The following PTPRN2 variants were observed in gnomAD, a reference collection of about 807,000 sequenced individuals.
The protein encoded by PTPRN2 is protein tyrosine phosphatase receptor type N2, also known as receptor-type tyrosine-protein phosphatase N2.
A neutral mutation model predicts 118.8 loss-of-function variants in PTPRN2; 74 were observed. That is an observed-to-expected ratio of 0.62 (90% CI 0.52 to 0.76). PTPRN2 has a LOEUF of 0.76. Ranked by LOEUF, PTPRN2 falls within the 30% of genes least tolerant of loss-of-function variation. PTPRN2 has a pLI of 0.00. For synonymous variants in PTPRN2, 641 were observed against 608.0 expected (o/e 1.05, Z -0.80); for missense variants, 1,481 against 1,394.4 (o/e 1.06, Z -0.99).
rs547421861 is a variant in PTPRN2 at position 158,187,048 on chromosome 7, C to T, written c.549+5279G>A. ...TGAGTTCAAGGACTGTGAACTGGTGCTACCACAGTCAATAAAACAGGAAGC... is the reference window on the plus strand; with the variant it reads ...TGAGTTCAAGGACTGTGAACTGGTGTTACCACAGTCAATAAAACAGGAAGC... On this transcript the variant is annotated intron_variant, in intron 5 of 22. Coordinates refer to ENST00000389418, the MANE Select transcript of PTPRN2 (RefSeq NM_002847.5). 2.0e-5 allele frequency among the ~76,000 whole-genome samples: 3 copies of T among 152,302 alleles called. No individual in the cohort carries two copies. In the South Asian group the frequency reaches 6.2e-4, roughly 32 times the overall value.
intron 3 of PTPRN2, among the ~76,000 whole-genome samples, chr7:158,265,961 A>AG (rs1797842306): frequency 6.6e-6 from 1 of 152,188 alleles, no homozygotes; most frequent in Non-Finnish European, 1.5e-5. Context: ...ACAGAGGCGC[A>AG]GGGCTCCTTC....
At chr7:158,028,204 G>C (rs990740597) in intron 11 of PTPRN2, 2 of 152,218 alleles carry the variant, frequency 1.3e-5, no homozygotes, top group Non-Finnish European at 2.9e-5. Flanking sequence ...CATTTTCATG[G>C]CTGAAAACCC....
At chr7:158,135,217 TTA>T in intron 8 of PTPRN2, among the ~76,000 whole-genome samples, 1 of 152,334 alleles carries the variant, frequency 6.6e-6, no homozygotes, top group East Asian at 1.9e-4. Flanking sequence ...AAACACACTT[TTA>T]AGAAAATTAA....
chr7:158,268,338 G>C (rs1252616667), intron 3 of PTPRN2, among the ~76,000 whole-genome samples: 1 of 149,798 alleles, frequency 6.7e-6, no homozygotes, highest in Non-Finnish European at 1.5e-5. Context: ...ACACAGGGCG[G>C]GTGTGAAATA....
chr7:158,206,905 CCACT>C (rs1174938968), intron 3 of PTPRN2, among the ~76,000 whole-genome samples: 1 of 148,088 alleles, frequency 6.8e-6, no homozygotes, highest in Non-Finnish European at 1.5e-5. Flanking sequence ...TGTGCTGCAC[CCACT>C]AACTCGTCAT....
chr7:157,625,164 C>A (rs1010442181), intron 14 of PTPRN2, among the ~76,000 whole-genome samples: 3 of 152,196 alleles, frequency 2.0e-5, no homozygotes, highest in African/African-American at 7.2e-5. Flanking sequence ...CTATAGAAAA[C>A]AGTGTGGAGA....
At chr7:158,193,709 G>A (rs1359916191) in intron 4 of PTPRN2, among the ~76,000 whole-genome samples, 1 of 152,096 alleles carries the variant, frequency 6.6e-6, no homozygotes, top group Non-Finnish European at 1.5e-5. Flanking sequence ...GCTGGTCTCT[G>A]CACCCAGGAC....
chr7:158,441,996 T>C (rs1032353013), intron 2 of PTPRN2, among the ~76,000 whole-genome samples: 12 of 150,666 alleles, frequency 8.0e-5, no homozygotes, highest in African/African-American at 2.9e-4. Flanking sequence ...GTGATAGTGA[T>C]GGTCATGGCA....
intron 6 of PTPRN2, among the ~76,000 whole-genome samples, chr7:158,146,740 G>C (rs1352955212): frequency 6.7e-6 from 1 of 149,940 alleles, no homozygotes; most frequent in African/African-American, 2.5e-5. Flanking sequence ...AAAAAAGAAA[G>C]AAAAAAGAAA....
At chr7:157,552,045 C>T (rs529578535) in intron 21 of PTPRN2, among the ~76,000 whole-genome samples, 2 of 151,164 alleles carry the variant, frequency 1.3e-5, no homozygotes, top group East Asian at 4.0e-4. Context: ...GCACACACCC[C>T]ATGACCACCA....
Position 157,974,460 on chromosome 7 carries a change from C to G in PTPRN2, c.1724-75723G>C, listed in dbSNP as rs993953979. Among the ~76,000 whole-genome samples the G allele has an allele frequency of 3.9e-5, 6 of 152,206 alleles. No homozygotes were observed. The highest frequency in any genetic ancestry group is 1.4e-4 in the African/African-American group (6 of 41,450). ...AGTTAGTGGGTCCACTTCGAGAAGACAGAGACAGAGTGAAGCCTCAAGAAC... is the reference window on the plus strand; with the variant it reads ...AGTTAGTGGGTCCACTTCGAGAAGAGAGAGACAGAGTGAAGCCTCAAGAAC... On this transcript the variant is annotated intron_variant, in intron 11 of 22. Coordinates refer to ENST00000389418, the MANE Select transcript of PTPRN2 (RefSeq NM_002847.5). This position sits in a 1 kb window ranked among gnomAD's most constrained non-coding sequence, Gnocchi z 4.0.
At chr7:157,754,964 A>G (rs1801693384) in intron 12 of PTPRN2, among the ~76,000 whole-genome samples, 1 of 152,248 alleles carries the variant, frequency 6.6e-6, no homozygotes, top group Non-Finnish European at 1.5e-5. Context: ...GGATCACTGA[A>G]GCCTCACCTT....
chr7:158,212,578 C>T (rs568876057), intron 3 of PTPRN2, among the ~76,000 whole-genome samples: 3 of 152,136 alleles, frequency 2.0e-5, no homozygotes, highest in African/African-American at 7.2e-5. Context: ...GGCTAGACAG[C>T]AAGGAGCCTT....
At chr7:157,814,886 G>A (rs1158537765) in intron 12 of PTPRN2, among the ~76,000 whole-genome samples, 3 of 152,186 alleles carry the variant, frequency 2.0e-5, no homozygotes, top group Non-Finnish European at 4.4e-5. Context: ...GCACAGAAGC[G>A]CACGAGTCCC....
chr7:157,910,573 G>C (rs895635678), intron 11 of PTPRN2, among the ~76,000 whole-genome samples: 1 of 152,258 alleles, frequency 6.6e-6, no homozygotes, highest in Non-Finnish European at 1.5e-5. Context: ...CACGTACACC[G>C]TTCTGCACAG....
chr7:158,240,376 T>A (rs774340367), intron 3 of PTPRN2, among the ~76,000 whole-genome samples: 1 of 152,210 alleles, frequency 6.6e-6, no homozygotes, highest in Admixed American at 6.5e-5. Context: ...AGACCTCGAA[T>A]ACGACCAGGA....
chr7:157,769,365 T>G (rs1802667977), intron 12 of PTPRN2, among the ~76,000 whole-genome samples: 2 of 152,202 alleles, frequency 1.3e-5, no homozygotes, highest in East Asian at 3.9e-4. Context: ...CCTGCTGGAA[T>G]TCCACACCCC....
intron 2 of PTPRN2, among the ~76,000 whole-genome samples, chr7:158,327,671 G>A (rs1396173200): frequency 6.6e-6 from 1 of 152,222 alleles, no homozygotes; most frequent in Non-Finnish European, 1.5e-5. Flanking sequence ...GCTGTACCAG[G>A]CTAGGTCACC....
chr7:158,532,485 T>G (rs1241981509), intron 1 of PTPRN2, among the ~76,000 whole-genome samples: 1 of 152,060 alleles, frequency 6.6e-6, no homozygotes, highest in Non-Finnish European at 1.5e-5. Context: ...GCTCAGACTT[T>G]CAGCAAACCC....
Sources: gnomAD v4.1 joint callset for allele counts (sites outside exome capture counted in the v4.1 genomes callset) on GRCh38, gnomAD v4.1.1 for gene constraint, Gnocchi (gnomAD v3.1) non-coding constraint, MANE v1.5 for transcripts, NCBI Gene and HGNC (gene_info 2026-07-23, HGNC 2026-07-21) for gene names.